THBS1: variants seen among roughly 807,000 people sequenced by gnomAD.
THBS1 encodes the protein thrombospondin-1.
THBS1 carries 29 observed loss-of-function variants against 126.1 expected under a neutral mutation model. The observed-to-expected ratio is 0.23, with a 90% confidence interval of 0.17 to 0.31. THBS1 has a LOEUF of 0.31. Ranked by LOEUF, THBS1 falls within the 10% of genes least tolerant of loss-of-function variation. THBS1 has a pLI of 1.00. For synonymous variants in THBS1, 496 were observed against 577.8 expected, an observed-to-expected ratio of 0.86 and a Z score of 2.03; for missense variants, 1,198 against 1,545.2, an observed-to-expected ratio of 0.78 and a Z score of 3.77.
chr15:39,583,880 C>T (rs1890159562), intron 4 of THBS1, 108 bp from the exon 5 acceptor site: 12 of 1,393,382 alleles, frequency 8.6e-6, no homozygotes, highest in African/African-American at 1.4e-5. Context: ...ACACGCAACC[C>T]CTCTACCTGC....
intron 6 of THBS1, 38 bp from the exon 7 acceptor site, chr15:39,585,432 T>C (rs1890191316): frequency 3.8e-6 from 6 of 1,589,472 alleles, no homozygotes; most frequent in South Asian, 1.1e-5. Context: ...TGCAACATGC[T>C]CAGCAGCCTG....
rs775694900 is a variant in THBS1 at position 39,592,733 on chromosome 15, A to G, written c.2698A>G (p.Asn900Asp). The G allele has an allele frequency of 2.5e-6, 4 of 1,614,184 alleles. No individual in the cohort carries two copies. Among genetic ancestry groups the G allele is most frequent in the Admixed American group, 3.3e-5 (2 of 60,026 alleles). The part of the protein sequence containing the change: ...KGDACDHDDD[N>D]DGIPDDKDNC... ...AGATGCCTGTGACCACGATGATGACAACGATGGCATTCCTGATGACAAGGA... is the reference window on the plus strand; with the variant it reads ...AGATGCCTGTGACCACGATGATGACGACGATGGCATTCCTGATGACAAGGA... The change falls in exon 17 of 22, where the codon AAC becomes GAC. Residue 900 changes from asparagine to aspartate, a missense_variant. Around this residue, in one of 4 missense-constraint regions of THBS1, gnomAD observed 255 missense variants for 373.9 expected, o/e 0.68. Coordinates refer to ENST00000260356, the MANE Select transcript of THBS1 (RefSeq NM_003246.4). The surrounding 1 kb of genome is among the most constrained non-coding windows in gnomAD (Gnocchi z 4.3).
Position 39,584,291 on chromosome 15 carries a change from C to G in THBS1, c.904-9C>G. The G allele has an allele frequency of 6.2e-7, 1 of 1,614,220 alleles. No individual in the cohort carries two copies. Among genetic ancestry groups the G allele is most frequent in the Non-Finnish European group, 8.5e-7 (1 of 1,180,046 alleles). Reference sequence around the variant, plus strand: ...CGGGGGGACACTAATGATATTCTCTCCCATTTAGACTGAAGAGAACAAAGA... The same window carrying G: ...CGGGGGGACACTAATGATATTCTCTGCCATTTAGACTGAAGAGAACAAAGA... On this transcript the variant is annotated splice_polypyrimidine_tract_variant and intron_variant, in intron 5 of 21. Transcript: ENST00000260356.
intron 14 of THBS1, 161 bp from the exon 15 acceptor site, chr15:39,591,030 C>T: frequency 1.3e-6 from 1 of 792,076 alleles, no homozygotes; most frequent in South Asian, 1.9e-5. Context: ...GTCCTTTTAA[C>T]TTTTGTAGTG....
intron 13 of THBS1, 76 bp downstream of exon 13, chr15:39,590,099 ATACT>A: frequency 7.8e-7 from 1 of 1,279,064 alleles, no homozygotes; most frequent in Non-Finnish European, 1.1e-6. Context: ...GGAATTTTAA[ATACT>A]TAAAGTTTGG....
chr15:39,589,472 G>T lies in THBS1; in HGVS notation c.1926+118G>T, dbSNP rs1315228958. The stretch of plus-strand genomic sequence containing the variant: ...ACCAAAAAAAAAAGGGCGAGGAGAT[G>T]AATGTACGGTCTAGTTTTAGAAACG... On this transcript the variant is annotated intron_variant, in intron 12 of 21. Transcript: ENST00000260356. The surrounding 1 kb of genome is among the most constrained non-coding windows in gnomAD (Gnocchi z 4.7). 1 of 1,305,670 alleles carries T rather than the reference G, an allele frequency of 7.7e-7. No homozygotes were observed. Among genetic ancestry groups the T allele is most frequent in the Non-Finnish European group, 1.0e-6 (1 of 965,444 alleles). 80.9% of individuals were successfully genotyped at this position (1,305,670 alleles called of 1,614,324 possible). A position where few individuals can be genotyped will look rare whatever the true frequency, so the allele number is the denominator to read the frequency against.
chr15:39,593,720 C>T lies in THBS1; in HGVS notation c.3267+52C>T, dbSNP rs1890376252. ...AGAGAGCTTATGGGTGCCTGACTAGCACTGGGGATGCTGTGCTTTGACCAA... is the reference window on the plus strand; with the variant it reads ...AGAGAGCTTATGGGTGCCTGACTAGTACTGGGGATGCTGTGCTTTGACCAA... On this transcript the variant is annotated intron_variant, in intron 19 of 21. Coordinates refer to ENST00000260356, the MANE Select transcript of THBS1 (RefSeq NM_003246.4). The surrounding 1 kb of genome is among the most constrained non-coding windows in gnomAD (Gnocchi z 5.9). 6.3e-7 allele frequency: 1 copy of T among 1,590,782 alleles called. No individual in the cohort carries two copies. Among genetic ancestry groups the T allele is most frequent in the African/African-American group, 1.3e-5 (1 of 74,110 alleles).
At position 39,582,720 on chromosome 15, in the gene THBS1, A is replaced by G. The variant is rs1280337544; in HGVS notation, c.595A>G (p.Ile199Val). 2 of 1,612,812 alleles carry G rather than the reference A, an allele frequency of 1.2e-6. No individual in the cohort carries two copies. The highest frequency in any genetic ancestry group is 1.7e-6 in the Non-Finnish European group (2 of 1,179,740). The stretch of plus-strand genomic sequence containing the variant: ...CCTGGCCAGCATCGCCAGACTCCGC[A>G]TCGCAAAGGGGGGCGTCAATGACAA... ...RDLASIARLRIAKGGVNDNFQ... is the reference protein window; with the variant it reads ...RDLASIARLRVAKGGVNDNFQ... The change falls in exon 3 of 22, where the codon ATC becomes GTC. Residue 199 changes from isoleucine to valine, a missense_variant. Transcript: ENST00000260356.
At chr15:39,586,202 C>A (rs1890204931) in intron 7 of THBS1, among the ~76,000 whole-genome samples, 1 of 152,158 alleles carries the variant, frequency 6.6e-6, no homozygotes, top group Admixed American at 6.5e-5. Flanking sequence ...AGGAAAACAG[C>A]ACTTGCCCTT....
At position 39,582,695 on chromosome 15, in the gene THBS1, C is replaced by T. The variant is rs1437100936; in HGVS notation, c.570C>T (p.Asp190=). The T allele has an allele frequency of 6.2e-7, 1 of 1,613,398 alleles. No homozygotes were observed. The highest frequency in any genetic ancestry group is 1.3e-5 in the African/African-American group (1 of 74,942). ...CCATCCAAAGCGTCTTCACCAGAGA[C>T]CTGGCCAGCATCGCCAGACTCCGCA... ...DVPIQSVFTR[D]LASIARLRIA... The change falls in exon 3 of 22, where the codon GAC becomes GAT. Residue 190 remains aspartate, a synonymous_variant. Transcript: ENST00000260356.
intron 3 of THBS1, among the ~76,000 whole-genome samples, 175 bp downstream of exon 3, chr15:39,582,927 G>T (rs551382975): frequency 6.6e-6 from 1 of 152,238 alleles, no homozygotes; most frequent in Non-Finnish European, 1.5e-5. Flanking sequence ...CCCAGCCCCA[G>T]AGTCTGGGAT....
At position 39,592,462 on chromosome 15, in the gene THBS1, G is replaced by A; in HGVS notation, c.2533-106G>A. 1 of 838,784 alleles carries A rather than the reference G, an allele frequency of 1.2e-6. No homozygotes were observed. The highest frequency in any genetic ancestry group is 1.9e-6 in the Non-Finnish European group (1 of 532,044). The allele number at this position is 838,784 out of a possible 1,614,324, so 52.0% of individuals were successfully genotyped here. On this transcript the variant is annotated intron_variant, in intron 16 of 21. Coordinates refer to ENST00000260356, the MANE Select transcript of THBS1 (RefSeq NM_003246.4). This position sits in a 1 kb window ranked among gnomAD's most constrained non-coding sequence, Gnocchi z 4.3. ...GTGTAAATAGACATGACACCCCACT[G>A]GCTGTATCAAACAATGGAGAATTTT...
At position 39,584,057 on chromosome 15, in the gene THBS1, A is replaced by G. The variant is rs377000775; in HGVS notation, c.773A>G (p.Tyr258Cys). ...NGSSPAIRTNYIGHKTKDLQA... is the reference protein window; with the variant it reads ...NGSSPAIRTNCIGHKTKDLQA... Reference sequence around the variant, plus strand: ...TCCAGCCCTGCCATCCGCACTAACTACATTGGCCACAAGACAAAGGACTTG... The same window carrying G: ...TCCAGCCCTGCCATCCGCACTAACTGCATTGGCCACAAGACAAAGGACTTG... Residue 258 changes from tyrosine (Y) to cysteine (C), a missense_variant, in exon 5 of 22, where the codon TAC becomes TGC. Tyr to Cys is a radical substitution (Grantham distance 194, BLOSUM62 -2). Transcript: ENST00000260356. 13 of 1,614,058 alleles carry G rather than the reference A, an allele frequency of 8.1e-6. No homozygotes were observed. The highest frequency in any genetic ancestry group is 5.0e-5 in the Admixed American group (3 of 60,014).
At position 39,598,688 on chromosome 15, in the gene THBS1, A is replaced by G. The variant is rs767843019; in HGVS notation, c.*3319A>G. 2.6e-5 allele frequency: 4 copies of G among 152,172 alleles called. No homozygotes were observed. Among genetic ancestry groups the G allele is most frequent in the Non-Finnish European group, 5.9e-5 (4 of 68,034 alleles). 9.4% of individuals were successfully genotyped at this position (152,172 alleles called of 1,614,324 possible). A position where few individuals can be genotyped will look rare whatever the true frequency, so the allele number is the denominator to read the frequency against. ...GAAATAAAGGACTTGTTAAAAATTA[A>G]AATTATGTCATCGAGATGATAGCTT... On this transcript the variant is annotated 3_prime_UTR_variant, in exon 22 of 22. Transcript: ENST00000260356.
In THBS1 at chr15:39,592,771, C is replaced by T. The variant is rs146172408; in HGVS notation, c.2736C>T (p.Leu912=). ...GIPDDKDNCR[L]VPNPDQKDSD... ...CTGATGACAAGGACAACTGCAGACT[C>T]GTGCCCAATCCCGACCAGAAGGACT... Residue 912 remains leucine, a synonymous_variant, in exon 17 of 22, where the codon CTC becomes CTT. Transcript: ENST00000260356. This position sits in a 1 kb window ranked among gnomAD's most constrained non-coding sequence, Gnocchi z 4.3. The T allele has an allele frequency of 4.0e-5, 64 of 1,613,900 alleles. No individual in the cohort carries two copies. Among genetic ancestry groups the T allele is most frequent in the African/African-American group, 5.3e-5 (4 of 74,910 alleles).
At position 39,583,601 on chromosome 15, in the gene THBS1, T is replaced by C. The variant is rs1595506661; in HGVS notation, c.628-16T>C. The C allele has an allele frequency of 2.5e-6, 4 of 1,610,136 alleles. No individual in the cohort carries two copies. Among genetic ancestry groups the C allele is most frequent in the Middle Eastern group, 3.4e-4 (2 of 5,882 alleles). On this transcript the variant is annotated splice_polypyrimidine_tract_variant and intron_variant, in intron 3 of 21. Coordinates refer to ENST00000260356, the MANE Select transcript of THBS1 (RefSeq NM_003246.4). Reference sequence around the variant, plus strand: ...CGCTCTGCATTCTACAAGTAATGTGTGTCCTCTGCCCACAGGGGGTGCTGC... The same window carrying C: ...CGCTCTGCATTCTACAAGTAATGTGCGTCCTCTGCCCACAGGGGGTGCTGC...
chr15:39,594,277 A>C lies in THBS1; in HGVS notation c.3366-24A>C. ...AAAAGTATTAAATAGCATTGTCACT[A>C]AACAAGATTTTTTTTCCCTGCAGAG... On this transcript the variant is annotated intron_variant, in intron 20 of 21. Transcript: ENST00000260356. This position sits in a 1 kb window ranked among gnomAD's most constrained non-coding sequence, Gnocchi z 4.4. The C allele has an allele frequency of 1.9e-6, 3 of 1,613,998 alleles. No homozygotes were observed. Among genetic ancestry groups the C allele is most frequent in the South Asian group, 1.1e-5 (1 of 91,040 alleles).
Position 39,592,862 on chromosome 15 carries a change from G to A in THBS1, c.2767+60G>A. On this transcript the variant is annotated intron_variant, in intron 17 of 21. Transcript: ENST00000260356. The surrounding 1 kb of genome is among the most constrained non-coding windows in gnomAD (Gnocchi z 4.3). ...TGCTGGCACAGCTGTGTAGATTGAA[G>A]AAATGAAACCAAGGCTCAAAGCATT... is the stretch of plus-strand genomic sequence containing the variant. 6 of 1,573,432 alleles carry A rather than the reference G, an allele frequency of 3.8e-6. No homozygotes were observed. Among genetic ancestry groups the A allele is most frequent in the Non-Finnish European group, 3.5e-6 (4 of 1,152,862 alleles).
intron 3 of THBS1, 62 bp downstream of exon 3, chr15:39,582,814 G>C (rs893249523): frequency 6.6e-7 from 1 of 1,512,542 alleles, no homozygotes; most frequent in Non-Finnish European, 8.9e-7. Flanking sequence ...GACCTGCCAG[G>C]AGGGCTACAG....
Sources: allele counts gnomAD v4.1 joint callset (sites outside exome capture counted in the v4.1 genomes callset), GRCh38; gene constraint gnomAD v4.1.1; regional missense constraint gnomAD v4.1.1; non-coding constraint Gnocchi (gnomAD v3.1); transcripts MANE v1.5; gene names NCBI Gene and HGNC (gene_info 2026-07-23, HGNC 2026-07-21).